The following DPP10 variants were observed in gnomAD, a reference collection of about 807,000 sequenced individuals.
DPP10 encodes dipeptidyl peptidase like 10.
In DPP10, 33 loss-of-function variants were observed where a neutral mutation model predicts 120.9. The ratio of observed to expected loss-of-function variants is 0.27; its 90% CI spans 0.21 to 0.37. The LOEUF is 0.37. DPP10 is among the 10% of genes least tolerant of loss of function. The pLI, the probability that DPP10 is intolerant of heterozygous loss-of-function variation, is 1.00. For missense variants in DPP10, 816 were observed against 942.8 expected (o/e 0.87, Z 1.76); for synonymous variants, 337 against 326.1 (o/e 1.03, Z -0.36).
Position 114,834,016 on chromosome 2 carries a change from C to T in DPP10, c.60+391178C>T, listed in dbSNP as rs538555051. 2.2e-4 allele frequency: 34 copies of T among 151,386 alleles called. No homozygotes were observed. In the South Asian group the frequency reaches 3.9e-3, roughly 18 times the overall value. The allele number at this position is 151,386 out of a possible 1,614,324, so 9.4% of individuals were successfully genotyped here. A position where few individuals can be genotyped will look rare whatever the true frequency, so the allele number is the denominator to read the frequency against. On this transcript the variant is annotated intron_variant, in intron 1 of 25. Transcript: ENST00000410059. The stretch of plus-strand genomic sequence containing the variant: ...ATATAGGTGTATATGTACATGTATA[C>T]GTATATAAACATATACACACACCTA...
intron 1 of DPP10, among the ~76,000 whole-genome samples, chr2:115,125,974 C>T (rs141968663): frequency 4.6e-5 from 7 of 152,254 alleles, no homozygotes; most frequent in East Asian, 3.9e-4. Flanking sequence ...TAATTGAGAT[C>T]GTGTATATAT....
At chr2:114,780,705 AT>A (rs1216209247) in intron 1 of DPP10, among the ~76,000 whole-genome samples, 1 of 152,118 alleles carries the variant, frequency 6.6e-6, no homozygotes, top group African/African-American at 2.4e-5. Flanking sequence ...GTTAAATTGC[AT>A]TTAAGATATC....
intron 3 of DPP10, among the ~76,000 whole-genome samples, chr2:115,445,920 C>T (rs1053707889): frequency 2.6e-5 from 4 of 152,150 alleles, no homozygotes; most frequent in African/African-American, 9.7e-5. Context: ...CCCAGGACCC[C>T]ACTGCTCTGT....
intron 1 of DPP10, among the ~76,000 whole-genome samples, chr2:114,637,274 G>T (rs1053976116): frequency 6.6e-6 from 1 of 151,782 alleles, no homozygotes; most frequent in Non-Finnish European, 1.5e-5. Context: ...GGATGAAAAG[G>T]GATTTTCATT....
At chr2:115,404,752 G>A (rs1413906714) in intron 3 of DPP10, among the ~76,000 whole-genome samples, 1 of 152,178 alleles carries the variant, frequency 6.6e-6, no homozygotes, top group Non-Finnish European at 1.5e-5. Flanking sequence ...GAAGAGAAAT[G>A]GAAGGGGAAG....
chr2:114,678,670 G>T, intron 1 of DPP10, among the ~76,000 whole-genome samples: 1 of 151,480 alleles, frequency 6.6e-6, no homozygotes. Context: ...TATAATACAG[G>T]GTTTAGCACT....
At chr2:114,691,809 G>A (rs1699766648) in intron 1 of DPP10, among the ~76,000 whole-genome samples, 1 of 151,800 alleles carries the variant, frequency 6.6e-6, no homozygotes, top group South Asian at 2.1e-4. Flanking sequence ...GTTCAGTTTT[G>A]GGAGGATATA....
chr2:114,463,912 TA>T (rs1168255448), intron 1 of DPP10, among the ~76,000 whole-genome samples: 2 of 152,202 alleles, frequency 1.3e-5, no homozygotes, highest in African/African-American at 4.8e-5. Context: ...CCTTTTCAGA[TA>T]GGCTTTTTTT....
intron 1 of DPP10, among the ~76,000 whole-genome samples, chr2:114,660,273 C>CAT (rs1306661569): frequency 3.3e-5 from 5 of 152,126 alleles, no homozygotes; most frequent in Non-Finnish European, 7.3e-5. Context: ...TTACAGGATG[C>CAT]ATATATTAGC....
intron 1 of DPP10, among the ~76,000 whole-genome samples, chr2:114,573,263 C>G (rs1445782616): frequency 6.6e-6 from 1 of 152,090 alleles, no homozygotes; most frequent in African/African-American, 2.4e-5. Context: ...TGACTACAGG[C>G]AAGAGCCATC....
In DPP10 at chr2:115,699,022, G is replaced by GAAA. The variant is rs758818861; in HGVS notation, c.576+9112_576+9114dup. Among the ~76,000 whole-genome samples the GAAA allele has an allele frequency of 1.7e-3, 68 of 39,162 alleles. 4 individuals carry two copies. Among genetic ancestry groups the GAAA allele is most frequent in the South Asian group, 2.5e-3 (2 of 806 alleles). 25.7% of individuals were successfully genotyped at this position (39,162 alleles called of 152,430 possible). A position where few individuals can be genotyped will look rare whatever the true frequency, so the allele number is the denominator to read the frequency against. On this transcript the variant is annotated intron_variant, in intron 7 of 25. Transcript: ENST00000410059. ...TGGCAAACCTTTAGTTAGCTTGACT[G>GAAA]AAAAAAAAAAAAACAAAAAAAAAAA...
intron 21 of DPP10, among the ~76,000 whole-genome samples, chr2:115,835,184 A>G (rs932888371): frequency 6.6e-6 from 1 of 151,948 alleles, no homozygotes; most frequent in African/African-American, 2.4e-5. Context: ...TAACATAAAT[A>G]CCTCCTTTGT....
intron 1 of DPP10, among the ~76,000 whole-genome samples, chr2:115,270,921 G>T (rs912852495): frequency 6.6e-6 from 1 of 151,984 alleles, no homozygotes; most frequent in African/African-American, 2.4e-5. Flanking sequence ...TTAAAAAGCT[G>T]CAAATTAGGT....
intron 1 of DPP10, among the ~76,000 whole-genome samples, chr2:114,997,255 C>G (rs1701147932): frequency 6.7e-6 from 1 of 149,392 alleles, no homozygotes; most frequent in African/African-American, 2.5e-5. Context: ...TTTAGGAGGT[C>G]GAGGTGGGTG....
intron 1 of DPP10, among the ~76,000 whole-genome samples, chr2:115,267,160 T>G (rs2059496429): frequency 6.6e-6 from 1 of 152,176 alleles, no homozygotes; most frequent in African/African-American, 2.4e-5. Flanking sequence ...GAGGAATTGT[T>G]CTTGTGTCTT....
chr2:115,291,072 C>T (rs1347758180), intron 1 of DPP10, among the ~76,000 whole-genome samples: 1 of 152,066 alleles, frequency 6.6e-6, no homozygotes, highest in Non-Finnish European at 1.5e-5. Context: ...AGTGTGATCA[C>T]AGCTCACTGC....
chr2:115,382,277 C>T (rs1183590087), intron 3 of DPP10, among the ~76,000 whole-genome samples: 2 of 152,092 alleles, frequency 1.3e-5, no homozygotes, highest in South Asian at 4.1e-4. Context: ...GTTTTTTAAG[C>T]CCTTTGGAAA....
At chr2:114,523,921 G>A (rs1685278249) in intron 1 of DPP10, among the ~76,000 whole-genome samples, 1 of 152,178 alleles carries the variant, frequency 6.6e-6, no homozygotes, top group African/African-American at 2.4e-5. Flanking sequence ...CATAGACAGT[G>A]TTGGTAATAT....
At chr2:115,384,225 C>T (rs868723727) in intron 3 of DPP10, among the ~76,000 whole-genome samples, 3 of 152,020 alleles carry the variant, frequency 2.0e-5, no homozygotes, top group African/African-American at 7.2e-5. Flanking sequence ...AACTAGAACC[C>T]AGTCCAGGCA....
Sources: allele counts gnomAD v4.1 joint callset (sites outside exome capture counted in the v4.1 genomes callset), GRCh38; gene constraint gnomAD v4.1.1; transcripts MANE v1.5; gene names NCBI Gene and HGNC (gene_info 2026-07-23, HGNC 2026-07-21).